CYBA: variants seen among roughly 807,000 people sequenced by gnomAD.
CYBA encodes cytochrome b-245 alpha chain, also known as cytochrome b-245 light chain.
A neutral mutation model predicts 20.8 loss-of-function variants in CYBA; 21 were observed. The ratio of observed to expected loss-of-function variants is 1.01; its 90% CI spans 0.72 to 1.46. The LOEUF (loss-of-function observed/expected upper bound fraction) is 1.46, where lower values mean the gene tolerates loss of function less well. Ranked by LOEUF, CYBA falls within the 40% of genes most tolerant of loss-of-function variation. The pLI is 0.00. For missense variants in CYBA, 344 were observed against 287.0 expected (o/e 1.20, Z -1.43); for synonymous variants, 164 against 127.5 (o/e 1.29, Z -1.93).
intron 2 of CYBA, chr16:88,647,718 C>T (rs192301029): frequency 6.4e-4 from 293 of 457,166 alleles, no homozygotes; most frequent in Non-Finnish European, 9.2e-4. Context: ...GTAGAGGGGC[C>T]GGTCAAGGGG....
In CYBA at chr16:88,645,441, A is replaced by C. The variant is rs1907244603; in HGVS notation, c.369+675T>G. The C allele has an allele frequency of 4.3e-6, 3 of 701,690 alleles. No homozygotes were observed. The South Asian group carries it at 4.4e-5, about 10-fold the overall frequency. The allele number at this position is 701,690 out of a possible 1,614,324, so 43.5% of individuals were successfully genotyped here. On this transcript the variant is annotated intron_variant, in intron 5 of 5. Transcript: ENST00000261623. ...GGAGGGACTTGGCTCTATGGACAAAAGGATTTAAATAAGCAAAGTCTGAGG... is the reference window on the plus strand; with the variant it reads ...GGAGGGACTTGGCTCTATGGACAAACGGATTTAAATAAGCAAAGTCTGAGG...
chr16:88,650,281 T>TGGTCCC (rs1907460857), intron 1 of CYBA: 1 of 430,750 alleles, frequency 2.3e-6, no homozygotes, highest in Non-Finnish European at 4.8e-6. Context: ...TCCCTGGCCC[T>TGGTCCC]GGTCCCGAGA....
Position 88,643,290 on chromosome 16 carries a change from C to T in CYBA, c.*63G>A, listed in dbSNP as rs113589413. ...GGCCCCAGGCAGAGGCTCACGCGCT[C>T]CCGGCTTCGCTGCATTTATTGCAGG... is the stretch of plus-strand genomic sequence containing the variant. On this transcript the variant is annotated 3_prime_UTR_variant, in exon 6 of 6. Coordinates refer to ENST00000261623, the MANE Select transcript of CYBA (RefSeq NM_000101.4). The surrounding 1 kb of genome is among the most constrained non-coding windows in gnomAD (Gnocchi z 4.3). 1.2e-5 allele frequency: 16 copies of T among 1,293,362 alleles called. No individual in the cohort carries two copies. In the African/African-American group the frequency reaches 2.4e-4, roughly 19 times the overall value. 80.1% of individuals were successfully genotyped at this position (1,293,362 alleles called of 1,614,324 possible).
At chr16:88,644,033 G>T (rs1252108409) in intron 5 of CYBA, among the ~76,000 whole-genome samples, 1 of 152,230 alleles carries the variant, frequency 6.6e-6, no homozygotes, top group Admixed American at 6.5e-5. Context: ...CTGCACATGG[G>T]GGTGGTGGGG....
chr16:88,650,885 C>G (rs779612708), intron 1 of CYBA, 71 bp downstream of exon 1: 2 of 1,491,042 alleles, frequency 1.3e-6, no homozygotes, highest in Admixed American at 3.9e-5. Flanking sequence ...TGTAAGTAGC[C>G]CGAGGTCCCG....
In CYBA at chr16:88,646,831, T is replaced by C. The variant is rs768968198; in HGVS notation, c.211A>G (p.Lys71Glu). The C allele has an allele frequency of 3.1e-6, 5 of 1,613,396 alleles. No individual in the cohort carries two copies. The highest frequency in any genetic ancestry group is 4.2e-6 in the Non-Finnish European group (5 of 1,179,570). The change falls in exon 4 of 6, where the codon AAG becomes GAG. Residue 71 changes from lysine (K) to glutamate (E), a missense_variant. Transcript: ENST00000261623. ...KGSTMERWGQ[K>E]YMTAVVKLFG... is the part of the protein sequence containing the mutation. Reference sequence around the variant, plus strand: ...AGCTTCACCACGGCGGTCATGTACTTCTGTCCCCTGGGGGAGGGAGGAAGG... The same window carrying C: ...AGCTTCACCACGGCGGTCATGTACTCCTGTCCCCTGGGGGAGGGAGGAAGG...
chr16:88,645,515 C>G, intron 5 of CYBA: 1 of 676,756 alleles, frequency 1.5e-6, no homozygotes. Context: ...CTGCAGCCGT[C>G]TGTTCCGGAG....
At position 88,643,326 on chromosome 16, in the gene CYBA, T is replaced by C. The variant is rs774811480; in HGVS notation, c.*27A>G. On this transcript the variant is annotated 3_prime_UTR_variant, in exon 6 of 6. Coordinates refer to ENST00000261623, the MANE Select transcript of CYBA (RefSeq NM_000101.4). This position sits in a 1 kb window ranked among gnomAD's most constrained non-coding sequence, Gnocchi z 4.3. ...TGCATTTATTGCAGGTGGGTGCACCTGGCGGGAGGGCAGGTCCGGGGCGAG... is the reference window on the plus strand; with the variant it reads ...TGCATTTATTGCAGGTGGGTGCACCCGGCGGGAGGGCAGGTCCGGGGCGAG... 6.8e-7 allele frequency: 1 copy of C among 1,461,670 alleles called. No individual in the cohort carries two copies. The highest frequency in any genetic ancestry group is 1.3e-5 in the South Asian group (1 of 77,416). The allele number at this position is 1,461,670 out of a possible 1,614,324, so 90.5% of individuals were successfully genotyped here.
chr16:88,644,903 G>C, intron 5 of CYBA: 1 of 547,240 alleles, frequency 1.8e-6, no homozygotes, highest in South Asian at 2.3e-5. Flanking sequence ...CAACTCAAGG[G>C]AGAAGAAACT....
chr16:88,650,818 C>T, intron 1 of CYBA, 138 bp downstream of exon 1: 2 of 901,356 alleles, frequency 2.2e-6, no homozygotes, highest in Non-Finnish European at 3.5e-6. Flanking sequence ...GTTCCCCGCA[C>T]CCTCCTGGCC....
chr16:88,645,126 G>A, intron 5 of CYBA: 1 of 698,804 alleles, frequency 1.4e-6, no homozygotes, highest in South Asian at 1.5e-5. Flanking sequence ...TCCTCTCTGG[G>A]TTTAGCACAA....
rs931745910 is a variant in CYBA at position 88,643,924 on chromosome 16, G to C, written c.370-353C>G. ...GGCAGGGAGGCAGGCCCGAGGTCCA[G>C]CAGGAGGGGTGGCCCAGGAGAGTAG... On this transcript the variant is annotated intron_variant, in intron 5 of 5. Coordinates refer to ENST00000261623, the MANE Select transcript of CYBA (RefSeq NM_000101.4). This position sits in a 1 kb window ranked among gnomAD's most constrained non-coding sequence, Gnocchi z 4.3. Among the ~76,000 whole-genome samples, 7 of 152,204 alleles carry C rather than the reference G, an allele frequency of 4.6e-5. No individual in the cohort carries two copies. Among genetic ancestry groups the C allele is most frequent in the African/African-American group, 1.7e-4 (7 of 41,448 alleles).
At position 88,647,158 on chromosome 16, in the gene CYBA, A is replaced by G. The variant is rs1407006076; in HGVS notation, c.146T>C (p.Val49Ala). 1 of 1,609,966 alleles carries G rather than the reference A, an allele frequency of 6.2e-7. No individual in the cohort carries two copies. The highest frequency in any genetic ancestry group is 1.7e-5 in the Admixed American group (1 of 59,914). ...CCCCCGGGGGTACTCCAGCAGGCAC[A>G]CAAACACGCCCGCCACACTGAAGCC... ...GAYSIVAGVF[V>A]CLLEYPRGKR... The change falls in exon 3 of 6, where the codon GTG becomes GCG. Residue 49 changes from valine to alanine, a missense_variant. Transcript: ENST00000261623.
chr16:88,646,719 C>G (rs761360507), intron 4 of CYBA, 36 bp downstream of exon 4: 3 of 1,586,824 alleles, frequency 1.9e-6, no homozygotes, highest in Middle Eastern at 3.3e-4. Context: ...TCCAAGCCCT[C>G]CTGAGCCCTA....
chr16:88,644,474 T>C (rs3794622), intron 5 of CYBA, among the ~76,000 whole-genome samples: 77,877 of 151,806 alleles, frequency 0.51, 20,183 homozygotes, highest in East Asian at 0.74. Context: ...TCCCCAGTGT[T>C]TAAAGGTTAC....
rs576761211 is a variant in CYBA at position 88,647,523 on chromosome 16, G to A, written c.129-348C>T. 2.8e-4 allele frequency among the ~76,000 whole-genome samples: 42 copies of A among 152,340 alleles called. 1 individual carries two copies. The East Asian group carries it at 5.4e-3, about 20-fold the overall frequency. ...TGCACTGCAGCCTGGGGGACAGAGC[G>A]AGACCCTGTCTCAAAAAAGGTCGGG... On this transcript the variant is annotated intron_variant, in intron 2 of 5. Transcript: ENST00000261623.
At chr16:88,647,951 G>T in intron 2 of CYBA, 94 bp downstream of exon 2, 1 of 1,229,742 alleles carries the variant, frequency 8.1e-7, no homozygotes, top group Non-Finnish European at 1.2e-6. Flanking sequence ...TGGCTGCGGT[G>T]GTGGGGAGCG....
chr16:88,645,296 A>G (rs1406035506), intron 5 of CYBA: 3 of 702,340 alleles, frequency 4.3e-6, no homozygotes, highest in Non-Finnish European at 7.8e-6. Context: ...CAGGTCAGTG[A>G]GGCTTGAAAC....
intron 1 of CYBA, among the ~76,000 whole-genome samples, chr16:88,649,342 A>AG (rs962763171): frequency 6.6e-6 from 1 of 152,132 alleles, no homozygotes; most frequent in Non-Finnish European, 1.5e-5. Context: ...GCGTCGGAGG[A>AG]GGGGAGGGCA....
Sources: gnomAD v4.1 joint callset for allele counts (sites outside exome capture counted in the v4.1 genomes callset) on GRCh38, gnomAD v4.1.1 for gene constraint, Gnocchi (gnomAD v3.1) non-coding constraint, MANE v1.5 for transcripts, NCBI Gene and HGNC (gene_info 2026-07-23, HGNC 2026-07-21) for gene names.